ASTN2: variants seen among roughly 807,000 people sequenced by gnomAD.
ASTN2 encodes astrotactin-2.
Under a neutral mutation model 139.8 loss-of-function variants are expected in ASTN2, and 54 were observed. That is an observed-to-expected ratio of 0.39 (90% confidence interval 0.31 to 0.48). ASTN2 has a LOEUF of 0.48. ASTN2 is among the 20% of genes least tolerant of loss of function. ASTN2 has a pLI of 0.95. For missense variants in ASTN2, 1,565 were observed against 1,725.1 expected (o/e 0.91, Z 1.64); for synonymous variants, 756 against 719.5 (o/e 1.05, Z -0.81).
At chr9:117,076,321 AATAAGATGGAGCAGAATG>A (rs1828279617) in intron 5 of ASTN2, among the ~76,000 whole-genome samples, 1 of 152,080 alleles carries the variant, frequency 6.6e-6, no homozygotes, top group Non-Finnish European at 1.5e-5. Flanking sequence ...GCGTGATTAG[AATAAGATGGAGCAGAATG>A]CCTGGCACAC....
intron 10 of ASTN2, among the ~76,000 whole-genome samples, chr9:116,872,917 G>C (rs753776516): frequency 6.6e-6 from 1 of 152,182 alleles, no homozygotes; most frequent in Non-Finnish European, 1.5e-5. Context: ...AGCCAGGCTA[G>C]AGAAGATTCC....
intron 15 of ASTN2, among the ~76,000 whole-genome samples, chr9:116,727,446 A>G (rs1470633792): frequency 1.3e-5 from 2 of 152,216 alleles, no homozygotes; most frequent in East Asian, 1.9e-4. Flanking sequence ...ATCATTATTG[A>G]TTAATTAAAG....
intron 10 of ASTN2, among the ~76,000 whole-genome samples, chr9:116,954,690 T>G (rs916993296): frequency 1.3e-5 from 2 of 152,026 alleles, no homozygotes; most frequent in Admixed American, 1.3e-4. Flanking sequence ...ATGGGCCAAA[T>G]TGGCTCATGG....
At chr9:117,017,047 T>C (rs1300051996) in intron 6 of ASTN2, among the ~76,000 whole-genome samples, 1 of 151,758 alleles carries the variant, frequency 6.6e-6, no homozygotes, top group East Asian at 1.9e-4. Context: ...TTAGGGGTGT[T>C]TGAGTCTGGA....
chr9:116,565,388 C>CCAT (rs1564120372), intron 19 of ASTN2, among the ~76,000 whole-genome samples: 3 of 34,016 alleles, frequency 8.8e-5, no homozygotes, highest in Admixed American at 1.0e-3. Context: ...TCTCTCTCTC[C>CCAT]ATATATATAT....
chr9:116,948,731 AAGAGACAGAAAAAC>A (rs1438656207), intron 10 of ASTN2, among the ~76,000 whole-genome samples: 36 of 104,400 alleles, frequency 3.4e-4, no homozygotes, highest in Admixed American at 7.0e-4. Flanking sequence ...GTGTGTGTGT[AAGAGACAGAAAAAC>A]AGAGACAGAG....
intron 10 of ASTN2, among the ~76,000 whole-genome samples, chr9:116,968,420 G>A (rs1836080979): frequency 6.6e-6 from 1 of 152,164 alleles, no homozygotes. Context: ...CTGGAGCAGT[G>A]AATGAATACA....
At chr9:116,736,815 T>C (rs527837786) in intron 13 of ASTN2, among the ~76,000 whole-genome samples, 1 of 152,314 alleles carries the variant, frequency 6.6e-6, no homozygotes, top group South Asian at 2.1e-4. Context: ...CTTACAATTG[T>C]AGAGAAGGGA....
chr9:116,601,307 T>C (rs763632731), intron 19 of ASTN2, among the ~76,000 whole-genome samples: 1 of 152,246 alleles, frequency 6.6e-6, no homozygotes, highest in African/African-American at 2.4e-5. Context: ...AGAAGAGTTA[T>C]GAAAGTTCTT....
At chr9:116,892,429 T>C (rs898948334) in intron 10 of ASTN2, among the ~76,000 whole-genome samples, 8 of 152,060 alleles carry the variant, frequency 5.3e-5, no homozygotes, top group Admixed American at 3.9e-4. Context: ...TTTACAGTAC[T>C]GTGGTTTGAG....
chr9:117,088,137 G>T (rs1828615178), intron 5 of ASTN2, among the ~76,000 whole-genome samples: 1 of 152,148 alleles, frequency 6.6e-6, no homozygotes, highest in Non-Finnish European at 1.5e-5. Flanking sequence ...GAACCTTGTT[G>T]CTTGATGAGA....
At chr9:117,130,722 A>G (rs545361556) in intron 4 of ASTN2, among the ~76,000 whole-genome samples, 1 of 152,330 alleles carries the variant, frequency 6.6e-6, no homozygotes, top group African/African-American at 2.4e-5. Context: ...CTTTCCATGT[A>G]GGAATGGGAG....
intron 20 of ASTN2, among the ~76,000 whole-genome samples, chr9:116,459,207 C>T (rs925562791): frequency 6.6e-6 from 1 of 151,874 alleles, no homozygotes; most frequent in Non-Finnish European, 1.5e-5. Context: ...ACTTGGGTAG[C>T]CTCGTCAAGT....
intron 7 of ASTN2, among the ~76,000 whole-genome samples, chr9:117,003,094 G>A (rs1005865427): frequency 9.9e-5 from 15 of 152,166 alleles, no homozygotes; most frequent in African/African-American, 3.6e-4. Context: ...ACTGCACATG[G>A]GTAGTGTACC....
chr9:117,250,707 T>C lies in ASTN2; in HGVS notation c.631-35965A>G, dbSNP rs566194614. 5.3e-5 allele frequency among the ~76,000 whole-genome samples: 8 copies of C among 152,324 alleles called. No homozygotes were observed. The South Asian group carries it at 6.2e-4, about 12-fold the overall frequency. ...AATATTTGCCAAAACACTGGCTCCA[T>C]TGGTCTCATAAAGTCCAAGGTCTCA... is the stretch of plus-strand genomic sequence containing the variant. On this transcript the variant is annotated intron_variant, in intron 2 of 22. Coordinates refer to ENST00000313400, the MANE Select transcript of ASTN2 (RefSeq NM_001365068.1).
At chr9:117,307,633 G>A (rs528696886) in intron 1 of ASTN2, among the ~76,000 whole-genome samples, 2 of 152,320 alleles carry the variant, frequency 1.3e-5, no homozygotes, top group South Asian at 2.1e-4. Context: ...GCATATGTGT[G>A]CACTGGTTCT....
intron 20 of ASTN2, among the ~76,000 whole-genome samples, chr9:116,445,055 CTAG>C (rs1272996212): frequency 1.3e-5 from 2 of 152,160 alleles, no homozygotes; most frequent in African/African-American, 2.4e-5. Flanking sequence ...GATGCAAATG[CTAG>C]CATGCATGAC....
Position 116,738,077 on chromosome 9 carries a change from A to G in ASTN2, c.2397-4554T>C, listed in dbSNP as rs1828990168. Among the ~76,000 whole-genome samples, 3 of 151,756 alleles carry G rather than the reference A, an allele frequency of 2.0e-5. 1 individual carries two copies. In the South Asian group the frequency reaches 6.3e-4, roughly 32 times the overall value. On this transcript the variant is annotated intron_variant, in intron 13 of 22. Coordinates refer to ENST00000313400, the MANE Select transcript of ASTN2 (RefSeq NM_001365068.1). ...CGTGGTAGCGGGCGCCTGTAGTCCCAGCTACTCGGGAGGCTGAGGCAGGAG... is the reference window on the plus strand; with the variant it reads ...CGTGGTAGCGGGCGCCTGTAGTCCCGGCTACTCGGGAGGCTGAGGCAGGAG...
At chr9:117,293,907 G>A (rs780697172) in intron 1 of ASTN2, among the ~76,000 whole-genome samples, 1 of 152,194 alleles carries the variant, frequency 6.6e-6, no homozygotes, top group Non-Finnish European at 1.5e-5. Context: ...CACTCCACGT[G>A]CTGAGAGTCC....
Sources: allele counts gnomAD v4.1 joint callset (sites outside exome capture counted in the v4.1 genomes callset), GRCh38; gene constraint gnomAD v4.1.1; transcripts MANE v1.5; gene names NCBI Gene and HGNC (gene_info 2026-07-23, HGNC 2026-07-21).